The following MIGA1 variants were observed in gnomAD, a reference collection of about 807,000 sequenced individuals.
MIGA1 encodes family with sequence similarity 73, member A.
MIGA1 carries 58 observed loss-of-function variants against 82.0 expected under a neutral mutation model. The observed-to-expected ratio is 0.71, with a 90% CI of 0.57 to 0.88. The LOEUF (loss-of-function observed/expected upper bound fraction) is 0.88. Ranked by LOEUF, MIGA1 falls within the 40% of genes least tolerant of loss-of-function variation. MIGA1 has a pLI of 0.00. For missense variants in MIGA1, 751 were observed against 749.1 expected (o/e 1.00, Z -0.03); for synonymous variants, 249 against 253.6 (o/e 0.98, Z 0.17).
At chr1:77,786,383 A>G (rs1007481433) in intron 2 of MIGA1, among the ~76,000 whole-genome samples, 1 of 152,148 alleles carries the variant, frequency 6.6e-6, no homozygotes, top group African/African-American at 2.4e-5. Flanking sequence ...GCTTCTCTTT[A>G]CTTATGCAAA....
At chr1:77,850,034 CAA>C (rs377438344) in intron 8 of MIGA1, among the ~76,000 whole-genome samples, 60 of 97,316 alleles carry the variant, frequency 6.2e-4, no homozygotes, top group Admixed American at 8.0e-4. Context: ...GACTCTCTCT[CAA>C]AAAAAAAAAA....
chr1:77,821,264 G>C (rs1176122147), intron 7 of MIGA1, among the ~76,000 whole-genome samples: 1 of 152,120 alleles, frequency 6.6e-6, no homozygotes, highest in Non-Finnish European at 1.5e-5. Context: ...TTACCATTAA[G>C]CCACATCTTC....
In MIGA1 at chr1:77,874,894, C is replaced by T. The variant is rs150313530; in HGVS notation, c.1729C>T (p.Arg577Cys). The change falls in exon 16 of 16, where the codon CGC becomes TGC. Residue 577 changes from arginine to cysteine, a missense_variant. Physicochemically the swap from Arg to Cys is radical, Grantham distance 180 (BLOSUM62 -3). Transcript: ENST00000370791. The stretch of plus-strand genomic sequence containing the variant: ...AGACATTTTTGACTTTGAGAAGGTG[C>T]GCTATTCAAGTACAGAGACTTTAGC... The T allele has an allele frequency of 9.6e-5, 155 of 1,613,860 alleles. No homozygotes were observed. Among genetic ancestry groups the T allele is most frequent in the African/African-American group, 6.8e-4 (51 of 74,882 alleles).
chr1:77,802,737 C>T (rs2101752995), intron 3 of MIGA1, among the ~76,000 whole-genome samples: 1 of 151,622 alleles, frequency 6.6e-6, no homozygotes, highest in South Asian at 2.1e-4. Flanking sequence ...GACATGATTG[C>T]ACCACTGCAC....
At chr1:77,856,038 A>G (rs1685244104) in intron 8 of MIGA1, among the ~76,000 whole-genome samples, 1 of 152,126 alleles carries the variant, frequency 6.6e-6, no homozygotes, top group Non-Finnish European at 1.5e-5. Context: ...TTTGTCTTAG[A>G]TGGCTTTCAT....
At chr1:77,871,023 C>G (rs1250718694) in intron 14 of MIGA1, among the ~76,000 whole-genome samples, 1 of 145,384 alleles carries the variant, frequency 6.9e-6, no homozygotes, top group Admixed American at 7.1e-5. Flanking sequence ...TGCAGTGAGC[C>G]GAGATGGCAG....
chr1:77,813,302 C>G (rs777883225), intron 5 of MIGA1, among the ~76,000 whole-genome samples: 3 of 152,090 alleles, frequency 2.0e-5, no homozygotes, highest in Admixed American at 2.0e-4. Flanking sequence ...TTACTTTGTT[C>G]TTCTGAGAAC....
rs1681817074 is a variant in MIGA1, at chr1:77,779,809, G to T, written c.81+73G>T. 10 of 1,484,562 alleles carry T rather than the reference G, an allele frequency of 6.7e-6. No individual in the cohort carries two copies. The South Asian group carries it at 1.3e-4, about 19-fold the overall frequency. The allele number at this position is 1,484,562 out of a possible 1,614,324, so 92.0% of individuals were successfully genotyped here. ...CGGAGAGTTGAGCGGCCACGCAGTT[G>T]GGGCAGAGGCCTCGGGGCAGGGGTG... On this transcript the variant is annotated intron_variant, in intron 1 of 15. Coordinates refer to ENST00000370791, the MANE Select transcript of MIGA1 (RefSeq NM_198549.4).
At chr1:77,857,723 G>GTTTTTT (rs1273544813) in intron 8 of MIGA1, among the ~76,000 whole-genome samples, 1 of 112,918 alleles carries the variant, frequency 8.9e-6, no homozygotes, top group African/African-American at 3.1e-5. Context: ...TTTCTGGGTT[G>GTTTTTT]TTGTTTTTTT....
chr1:77,852,366 C>T (rs867039073), intron 8 of MIGA1, among the ~76,000 whole-genome samples: 31 of 152,116 alleles, frequency 2.0e-4, no homozygotes, highest in Admixed American at 1.2e-3. Context: ...GAAGACTTTG[C>T]CCTTTAGCAT....
chr1:77,794,877 C>T (rs1682586110), intron 2 of MIGA1, among the ~76,000 whole-genome samples: 1 of 152,122 alleles, frequency 6.6e-6, no homozygotes, highest in African/African-American at 2.4e-5. Context: ...ACTTTTTCTC[C>T]TTTGTAAATA....
chr1:77,825,418 C>T (rs755071912), intron 7 of MIGA1, among the ~76,000 whole-genome samples: 12 of 152,112 alleles, frequency 7.9e-5, no homozygotes, highest in Non-Finnish European at 1.3e-4. Context: ...CTTATAAGAC[C>T]GTTTAGTGCT....
chr1:77,807,395 C>T (rs1683142624), intron 5 of MIGA1, among the ~76,000 whole-genome samples: 1 of 152,106 alleles, frequency 6.6e-6, no homozygotes, highest in Non-Finnish European at 1.5e-5. Flanking sequence ...AACTCCTGAG[C>T]TCAAGCAATC....
chr1:77,861,792 T>G (rs1285641093), intron 12 of MIGA1: 2 of 155,272 alleles, frequency 1.3e-5, no homozygotes, highest in Non-Finnish European at 2.8e-5. Context: ...GGATTGGAAT[T>G]GGAGCTGTCA....
chr1:77,805,742 C>T (rs189214400), intron 4 of MIGA1, among the ~76,000 whole-genome samples: 4 of 151,892 alleles, frequency 2.6e-5, no homozygotes, highest in East Asian at 1.9e-4. Context: ...TGGCTGGTCT[C>T]GAACTCCTGA....
At chr1:77,819,768 G>A (rs1288851888) in intron 7 of MIGA1, among the ~76,000 whole-genome samples, 1 of 151,982 alleles carries the variant, frequency 6.6e-6, no homozygotes, top group Non-Finnish European at 1.5e-5. Context: ...TTTGGGTAGA[G>A]GTGAGGTTTT....
At chr1:77,789,093 G>GTA (rs577497226) in intron 2 of MIGA1, among the ~76,000 whole-genome samples, 68 of 149,198 alleles carry the variant, frequency 4.6e-4, no homozygotes, top group South Asian at 8.5e-4. Context: ...TCAGCAACGT[G>GTA]TATATATATA....
chr1:77,833,685 G>A (rs752548927), intron 7 of MIGA1, among the ~76,000 whole-genome samples: 17 of 152,140 alleles, frequency 1.1e-4, no homozygotes, highest in African/African-American at 3.4e-4. Context: ...TTTCTGCCCC[G>A]ACTTATTCCT....
intron 8 of MIGA1, among the ~76,000 whole-genome samples, chr1:77,857,341 T>C (rs77178591): frequency 1.3e-5 from 2 of 151,642 alleles, no homozygotes; most frequent in African/African-American, 4.8e-5. Flanking sequence ...TTTTTGTTTT[T>C]GCTTTGTAAC....
Sources: allele counts gnomAD v4.1 joint callset (sites outside exome capture counted in the v4.1 genomes callset), GRCh38; gene constraint gnomAD v4.1.1; transcripts MANE v1.5; gene names NCBI Gene and HGNC (gene_info 2026-07-23, HGNC 2026-07-21).